APBB2: variants seen among roughly 807,000 people sequenced by gnomAD.
The protein encoded by APBB2 is amyloid beta precursor protein binding family B member 2.
Under a neutral mutation model 82.5 loss-of-function variants are expected in APBB2, and 38 were observed. The observed-to-expected ratio is 0.46, with a 90% CI of 0.36 to 0.60. The LOEUF is 0.60. APBB2 is among the 20% of genes least tolerant of loss of function. The pLI, the probability that APBB2 is intolerant of heterozygous loss-of-function variation, is 0.00. For synonymous variants in APBB2, 341 were observed against 368.2 expected (o/e 0.93, Z 0.85); for missense variants, 772 against 972.3 (o/e 0.79, Z 2.74).
intron 12 of APBB2, among the ~76,000 whole-genome samples, chr4:40,834,010 C>T (rs149729826): frequency 4.6e-5 from 7 of 152,314 alleles, no homozygotes; most frequent in East Asian, 3.8e-4. Context: ...TTTCCTCTGG[C>T]GCAGAGCAAG....
chr4:40,954,486 A>G (rs1791052876), intron 6 of APBB2, among the ~76,000 whole-genome samples: 1 of 152,038 alleles, frequency 6.6e-6, no homozygotes, highest in Non-Finnish European at 1.5e-5. Flanking sequence ...ATGACAATAG[A>G]TGGGGAACTG....
At chr4:41,060,460 T>C (rs1729413453) in intron 4 of APBB2, among the ~76,000 whole-genome samples, 1 of 152,184 alleles carries the variant, frequency 6.6e-6, no homozygotes, top group Admixed American at 6.5e-5. Flanking sequence ...CCCTCAGTCG[T>C]GGCTGGCACA....
At chr4:40,966,264 CT>C in intron 6 of APBB2, among the ~76,000 whole-genome samples, 1 of 152,160 alleles carries the variant, frequency 6.6e-6, no homozygotes, top group East Asian at 1.9e-4. Flanking sequence ...GCACGAACTG[CT>C]ATGTAGTAAA....
chr4:41,099,163 CAT>C (rs1392005223), intron 3 of APBB2, among the ~76,000 whole-genome samples: 2 of 152,154 alleles, frequency 1.3e-5, no homozygotes, highest in South Asian at 2.1e-4. Flanking sequence ...TCAGAAATTA[CAT>C]GTGTATGTGC....
In APBB2 at chr4:40,825,981, C is replaced by G. The variant is rs369665424; in HGVS notation, c.1733-11G>C. The stretch of plus-strand genomic sequence containing the variant: ...GTGTTGGAAAATCTACTACAGGGAA[C>G]AAAAGCAACACATCTTTCTCAGTGG... On this transcript the variant is annotated splice_polypyrimidine_tract_variant and intron_variant, in intron 14 of 17. Transcript: ENST00000508593. The G allele has an allele frequency of 3.4e-5, 54 of 1,607,294 alleles. No homozygotes were observed. The African/African-American group carries it at 6.7e-4, about 20-fold the overall frequency.
chr4:41,204,002 G>A lies in APBB2; in HGVS notation c.-417+10403C>T, dbSNP rs1777336548. The stretch of plus-strand genomic sequence containing the variant: ...ATTTTCAGTGAGCCTGCCCCACCTT[G>A]TCCACTTTCCCACTTGCTGTGCCAA... On this transcript the variant is annotated intron_variant, in intron 1 of 17. Transcript: ENST00000508593. 2.0e-5 allele frequency among the ~76,000 whole-genome samples: 3 copies of A among 152,144 alleles called. No individual in the cohort carries two copies. In the South Asian group the frequency reaches 6.2e-4, roughly 32 times the overall value.
At chr4:41,073,184 C>A (rs1287422615) in intron 3 of APBB2, among the ~76,000 whole-genome samples, 2 of 152,094 alleles carry the variant, frequency 1.3e-5, no homozygotes, top group Admixed American at 6.5e-5. Context: ...ACATTCTTCT[C>A]GGCTAAAAAA....
chr4:40,988,260 CTTTAT>C (rs1189288364), intron 6 of APBB2, among the ~76,000 whole-genome samples: 1 of 152,198 alleles, frequency 6.6e-6, no homozygotes, highest in Non-Finnish European at 1.5e-5. Flanking sequence ...TGCTGGAAGT[CTTTAT>C]TTTGATGCAT....
At chr4:40,898,791 T>A (rs867711706) in intron 10 of APBB2, among the ~76,000 whole-genome samples, 19 of 150,514 alleles carry the variant, frequency 1.3e-4, no homozygotes, top group Non-Finnish European at 2.1e-4. Context: ...GCGGACCACT[T>A]GAGGTCAACA....
intron 6 of APBB2, among the ~76,000 whole-genome samples, chr4:40,975,859 T>A (rs894017196): frequency 1.3e-5 from 2 of 152,000 alleles, no homozygotes; most frequent in Admixed American, 6.6e-5. Context: ...TCTCTACTGA[T>A]TTCTTATTTC....
intron 12 of APBB2, chr4:40,880,857 T>C: frequency 3.0e-6 from 3 of 985,194 alleles, no homozygotes; most frequent in Non-Finnish European, 2.4e-6. Flanking sequence ...TCCTGAACCA[T>C]GCTTTGAGCC....
intron 1 of APBB2, among the ~76,000 whole-genome samples, chr4:41,207,074 C>T (rs1778125039): frequency 6.6e-6 from 1 of 151,860 alleles, no homozygotes; most frequent in Admixed American, 6.6e-5. Flanking sequence ...TGGCGGGCAC[C>T]TGTAGTTCCA....
intron 3 of APBB2, among the ~76,000 whole-genome samples, chr4:41,069,098 C>T (rs1732950972): frequency 6.6e-6 from 1 of 151,988 alleles, no homozygotes; most frequent in Non-Finnish European, 1.5e-5. Flanking sequence ...CTGGCCCTAC[C>T]CACCATCTTA....
chr4:40,875,544 G>A lies in APBB2; in HGVS notation c.1529+14820C>T, dbSNP rs557443707. Among the ~76,000 whole-genome samples the A allele has an allele frequency of 2.2e-4, 33 of 152,284 alleles. No individual in the cohort carries two copies. In the South Asian group the frequency reaches 6.4e-3, roughly 30 times the overall value. On this transcript the variant is annotated intron_variant, in intron 12 of 17. Coordinates refer to ENST00000508593, the MANE Select transcript of APBB2 (RefSeq NM_004307.2). ...TATCATTTCAATGTGTAATCAATAT[G>A]AAATTGTTATGAGACATTTTACATC...
intron 12 of APBB2, 125 bp downstream of exon 12, chr4:40,890,239 C>A: frequency 7.7e-7 from 1 of 1,300,948 alleles, no homozygotes. Context: ...TTTCATTTTT[C>A]ACATTTCTAT....
intron 10 of APBB2, among the ~76,000 whole-genome samples, chr4:40,907,981 G>GGT (rs755862137): frequency 4.3e-5 from 6 of 140,094 alleles, no homozygotes; most frequent in Admixed American, 1.4e-4. Flanking sequence ...GTGTCTGTGT[G>GGT]GTGTGTGTGT....
intron 1 of APBB2, among the ~76,000 whole-genome samples, chr4:41,154,384 G>A (rs1033454128): frequency 2.0e-5 from 3 of 152,176 alleles, no homozygotes; most frequent in African/African-American, 7.2e-5. Flanking sequence ...AAGGATGGTC[G>A]TCCTTGCCTT....
chr4:40,977,101 C>A (rs562557618), intron 6 of APBB2, among the ~76,000 whole-genome samples: 2 of 152,104 alleles, frequency 1.3e-5, no homozygotes, highest in African/African-American at 2.4e-5. Context: ...ATTACTGATA[C>A]AAAGGAAATG....
At chr4:41,036,828 T>G (rs937964666) in intron 4 of APBB2, among the ~76,000 whole-genome samples, 1 of 152,350 alleles carries the variant, frequency 6.6e-6, no homozygotes, top group Admixed American at 6.5e-5. Context: ...TAGACACTTA[T>G]ATCCTTGATG....
Sources: allele counts gnomAD v4.1 joint callset (sites outside exome capture counted in the v4.1 genomes callset), GRCh38; gene constraint gnomAD v4.1.1; transcripts MANE v1.5; gene names NCBI Gene and HGNC (gene_info 2026-07-23, HGNC 2026-07-21).